The following HENMT1 variants were observed in gnomAD, a reference collection of about 807,000 sequenced individuals.
The protein encoded by HENMT1 is small RNA 2'-O-methyltransferase.
Under a neutral mutation model 31.1 loss-of-function variants are expected in HENMT1, and 27 were observed. That is an observed-to-expected ratio of 0.87 (90% CI 0.64 to 1.20). The LOEUF (loss-of-function observed/expected upper bound fraction) is 1.20. Among genes scored for constraint, HENMT1 ranks in the 50% most tolerant of loss-of-function variants. HENMT1 has a pLI of 0.00. For missense variants in HENMT1, 438 were observed against 469.6 expected, an observed-to-expected ratio of 0.93 and a Z score of 0.62; for synonymous variants, 167 against 172.2, an observed-to-expected ratio of 0.97 and a Z score of 0.24.
chr1:108,651,001 C>G, intron 6 of HENMT1, 29 bp downstream of exon 6: 1 of 1,537,890 alleles, frequency 6.5e-7, no homozygotes, highest in Non-Finnish European at 8.9e-7. Context: ...AACAGGATCC[C>G]AAATAAACAA....
chr1:108,649,274 A>G, intron 7 of HENMT1: 1 of 541,430 alleles, frequency 1.8e-6, no homozygotes, highest in East Asian at 4.6e-5. Context: ...TACAGGGGCA[A>G]GGGCAAAAAA....
chr1:108,657,606 G>T, intron 2 of HENMT1, 27 bp from the exon 3 acceptor site: 1 of 1,597,272 alleles, frequency 6.3e-7, no homozygotes, highest in Non-Finnish European at 8.5e-7. Flanking sequence ...AAAAAAGACA[G>T]GTTCTAAATC....
At position 108,649,531 on chromosome 1, in the gene HENMT1, G is replaced by C. The variant is rs1056012406; in HGVS notation, c.757-540C>G. On this transcript the variant is annotated intron_variant, in intron 7 of 7. Coordinates refer to ENST00000651461, the MANE Select transcript of HENMT1 (RefSeq NM_001102592.2). ...CTTAGGAGGCTCAAGTGGGAGGATC[G>C]TTTGTGCCCAGGAATTCAAGGTTAC... 3 of 365,780 alleles carry C rather than the reference G, an allele frequency of 8.2e-6. No individual in the cohort carries two copies. The East Asian group carries it at 2.2e-4, about 27-fold the overall frequency. 22.7% of individuals were successfully genotyped at this position (365,780 alleles called of 1,614,324 possible).
intron 3 of HENMT1, among the ~76,000 whole-genome samples, chr1:108,656,834 A>G (rs1415495769): frequency 6.6e-6 from 1 of 152,200 alleles, no homozygotes; most frequent in Non-Finnish European, 1.5e-5. Flanking sequence ...TATTCTAACT[A>G]AATGCTCTAG....
At chr1:108,649,472 T>C (rs962256123) in intron 7 of HENMT1, 30 of 437,666 alleles carry the variant, frequency 6.9e-5, no homozygotes, top group Non-Finnish European at 1.3e-4. Flanking sequence ...AAAAAAAAGC[T>C]GAGCATGGTG....
intron 4 of HENMT1, among the ~76,000 whole-genome samples, chr1:108,655,312 A>C (rs1236540298): frequency 6.6e-6 from 1 of 152,220 alleles, no homozygotes; most frequent in East Asian, 1.9e-4. Flanking sequence ...AAATTATCAT[A>C]GTGTCCAGCA....
chr1:108,652,071 G>C (rs1344503263), intron 5 of HENMT1, among the ~76,000 whole-genome samples: 1 of 152,202 alleles, frequency 6.6e-6, no homozygotes, highest in Non-Finnish European at 1.5e-5. Context: ...AATAGGACCA[G>C]GCAGAAAGGC....
Position 108,650,232 on chromosome 1 carries a change from A to G in HENMT1, c.735T>C (p.His245=), listed in dbSNP as rs1385027977. The change falls in exon 7 of 8, where the codon CAT becomes CAC. Residue 245 remains histidine (H), a synonymous_variant. Coordinates refer to ENST00000651461, the MANE Select transcript of HENMT1 (RefSeq NM_001102592.2). ...TCACAGCTTTATAAACATGCTGATC[A>G]TGCTGCTCTGAAAGACATGATTCTG... ...KATESCLSEQ[H]DQHVYKAVFT... 6.2e-6 allele frequency: 10 copies of G among 1,614,178 alleles called. No individual in the cohort carries two copies. The highest frequency in any genetic ancestry group is 8.5e-6 in the Non-Finnish European group (10 of 1,180,004).
Position 108,648,299 on chromosome 1 carries a change from C to T in HENMT1, c.*267G>A. The T allele has an allele frequency of 2.2e-6, 1 of 460,786 alleles. No homozygotes were observed. 28.5% of individuals were successfully genotyped at this position (460,786 alleles called of 1,614,324 possible). Reference sequence around the variant, plus strand: ...AAAAAATAGGTAAGTTCAAAATTAACATATTACCACATCCAACTTCTTTAT... The same window carrying T: ...AAAAAATAGGTAAGTTCAAAATTAATATATTACCACATCCAACTTCTTTAT... On this transcript the variant is annotated 3_prime_UTR_variant, in exon 8 of 8. Coordinates refer to ENST00000651461, the MANE Select transcript of HENMT1 (RefSeq NM_001102592.2).
At chr1:108,649,055 G>A (rs1657967377) in intron 7 of HENMT1, 64 bp from the exon 8 acceptor site, 2 of 1,353,890 alleles carry the variant, frequency 1.5e-6, no homozygotes, top group Non-Finnish European at 2.0e-6. Flanking sequence ...AATTTTCAAA[G>A]CCATCAATAA....
In HENMT1 at chr1:108,650,392, A is replaced by T; in HGVS notation, c.579-4T>A. On this transcript the variant is annotated splice_region_variant and splice_polypyrimidine_tract_variant and intron_variant, in intron 6 of 7. Transcript: ENST00000651461. The stretch of plus-strand genomic sequence containing the variant: ...GCGATTTGCCACATATAAAGCCCTG[A>T]AACCAAAACGAGGACAGCAATCATT... 1 of 1,606,522 alleles carries T rather than the reference A, an allele frequency of 6.2e-7. No homozygotes were observed. Among genetic ancestry groups the T allele is most frequent in the East Asian group, 2.2e-5 (1 of 44,828 alleles).
Position 108,650,290 on chromosome 1 carries a change from A to T in HENMT1, c.677T>A (p.Ile226Lys). The T allele has an allele frequency of 6.2e-7, 1 of 1,614,102 alleles. No homozygotes were observed. Among genetic ancestry groups the T allele is most frequent in the South Asian group, 1.1e-5 (1 of 91,082 alleles). ...GAENVGYCTQ[I>K]GIFRKNGGKA... The stretch of plus-strand genomic sequence containing the variant: ...TCCTCCATTTTTCCGGAAGATTCCT[A>T]TCTGGGTACAGTATCCAACATTCTC... The change falls in exon 7 of 8, where the codon ATA becomes AAA. Residue 226 changes from isoleucine to lysine, a missense_variant. Coordinates refer to ENST00000651461, the MANE Select transcript of HENMT1 (RefSeq NM_001102592.2).
intron 5 of HENMT1, among the ~76,000 whole-genome samples, chr1:108,651,751 A>AGGGAG (rs1225676791): frequency 1.5e-4 from 21 of 141,468 alleles, no homozygotes; most frequent in Non-Finnish European, 2.8e-4. Context: ...AGAGAGGGGA[A>AGGGAG]GGGAGGGGAG....
chr1:108,652,701 T>C (rs1481342279), intron 5 of HENMT1, among the ~76,000 whole-genome samples: 2 of 152,024 alleles, frequency 1.3e-5, no homozygotes, highest in East Asian at 3.9e-4. Flanking sequence ...TACCAGCACT[T>C]TGGGAGGCCG....
At chr1:108,653,841 C>G (rs1308217726) in intron 5 of HENMT1, among the ~76,000 whole-genome samples, 1 of 152,140 alleles carries the variant, frequency 6.6e-6, no homozygotes, top group Non-Finnish European at 1.5e-5. Flanking sequence ...AGTATTTTCT[C>G]CCATTCTATA....
intron 7 of HENMT1, among the ~76,000 whole-genome samples, chr1:108,649,662 T>A (rs1657991050): frequency 6.6e-6 from 1 of 152,156 alleles, no homozygotes; most frequent in African/African-American, 2.4e-5. Flanking sequence ...TTTCTTCTTC[T>A]TCTCTCTTTA....
intron 6 of HENMT1, 79 bp downstream of exon 6, chr1:108,650,951 G>T: frequency 1.1e-6 from 1 of 933,964 alleles, no homozygotes. Flanking sequence ...TTTAGGTAAT[G>T]TATGTATATC....
intron 5 of HENMT1, among the ~76,000 whole-genome samples, chr1:108,651,716 AAGAAAGAGAAAGAGAG>A (rs1267386234): frequency 2.6e-5 from 4 of 151,388 alleles, no homozygotes; most frequent in Non-Finnish European, 5.9e-5. Flanking sequence ...GACAGACAGA[AAGAAAGAGAAAGAGAG>A]AGAAGAGAAG....
At chr1:108,661,404 C>G (rs530417899), upstream of HENMT1, 3 of 152,386 alleles carry the variant, frequency 2.0e-5, no homozygotes, top group African/African-American at 7.2e-5. Flanking sequence ...CGACGCGGCA[C>G]GGTACGGCAG....
Sources: allele counts gnomAD v4.1 joint callset (sites outside exome capture counted in the v4.1 genomes callset), GRCh38; gene constraint gnomAD v4.1.1; transcripts MANE v1.5; gene names NCBI Gene and HGNC (gene_info 2026-07-23, HGNC 2026-07-21).